Variants in FILIP1 observed in about 807,000 individuals in gnomAD.
The protein encoded by FILIP1 is filamin-A-interacting protein 1.
In FILIP1, 61 loss-of-function variants were observed where a neutral mutation model predicts 102.1. The ratio of observed to expected loss-of-function variants is 0.60; its 90% CI spans 0.49 to 0.74. The LOEUF (loss-of-function observed/expected upper bound fraction) is 0.74. Among genes scored for constraint, FILIP1 ranks in the 30% least tolerant of loss-of-function variants. The pLI is 0.00. For synonymous variants in FILIP1, 491 were observed against 526.9 expected (o/e 0.93, Z 0.93); for missense variants, 1,314 against 1,441.2 (o/e 0.91, Z 1.43).
Position 75,313,032 on chromosome 6 carries a change from C to A in FILIP1, c.2800G>T (p.Glu934Ter). Reference sequence around the variant, plus strand: ...ATGACAGTGGTACTAGAAAAAAATTCTTCAGATGTCGGGCTTGTTATCTCC... The same window carrying A: ...ATGACAGTGGTACTAGAAAAAAATTATTCAGATGTCGGGCTTGTTATCTCC... ...TLEITSPTSE[E>*]FFSSTTVIPT... Residue 934 changes from glutamate to a stop codon, truncating the protein, a stop_gained, in exon 5 of 6, where the codon GAA becomes TAA. Transcript: ENST00000237172. LOFTEE classifies it high-confidence loss of function. This position sits in a 1 kb window ranked among gnomAD's most constrained non-coding sequence, Gnocchi z 4.2. 1 of 1,614,146 alleles carries A rather than the reference C, an allele frequency of 6.2e-7. No individual in the cohort carries two copies. Among genetic ancestry groups the A allele is most frequent in the Non-Finnish European group, 8.5e-7 (1 of 1,180,032 alleles).
chr6:75,435,893 C>A (rs1243241844), intron 1 of FILIP1, among the ~76,000 whole-genome samples: 1 of 152,128 alleles, frequency 6.6e-6, no homozygotes, highest in Non-Finnish European at 1.5e-5. Flanking sequence ...TGCTTGAGGG[C>A]TTTAATTACT....
At chr6:75,384,587 G>T (rs913549599) in intron 2 of FILIP1, among the ~76,000 whole-genome samples, 2 of 152,024 alleles carry the variant, frequency 1.3e-5, no homozygotes, top group African/African-American at 4.8e-5. Flanking sequence ...TGAGATTTCG[G>T]AAGGTTACTC....
chr6:75,421,152 C>T (rs185038995), intron 1 of FILIP1, among the ~76,000 whole-genome samples: 19 of 152,228 alleles, frequency 1.2e-4, no homozygotes, highest in Non-Finnish European at 2.5e-4. Flanking sequence ...TTTATTTCCA[C>T]TCTCTGCTGA....
intron 4 of FILIP1, among the ~76,000 whole-genome samples, chr6:75,327,952 T>C (rs1324885315): frequency 1.3e-5 from 2 of 152,070 alleles, no homozygotes; most frequent in African/African-American, 4.8e-5. Flanking sequence ...TAACTACTAA[T>C]TACTAGTTTA....
At chr6:75,491,007 C>T (rs1779940951) in intron 1 of FILIP1, among the ~76,000 whole-genome samples, 1 of 152,068 alleles carries the variant, frequency 6.6e-6, no homozygotes, top group South Asian at 2.1e-4. Flanking sequence ...GGCATTGCAC[C>T]TAATAGACGT....
chr6:75,450,218 T>A (rs1322941695), intron 1 of FILIP1, among the ~76,000 whole-genome samples: 1 of 152,096 alleles, frequency 6.6e-6, no homozygotes, highest in Non-Finnish European at 1.5e-5. Flanking sequence ...CCTGAAGGGA[T>A]CCTCTCACCT....
exon 7 of FILIP1, chr6:75,295,327 T>G (rs1014022547): frequency 6.6e-6 from 1 of 152,220 alleles, no homozygotes; most frequent in African/African-American, 2.4e-5. Context: ...AGTCAGAGCA[T>G]TATTTGTTAG....
rs146974058 is a variant in FILIP1 at position 75,359,293 on chromosome 6, A to G, written c.450+3451T>C. Reference sequence around the variant, plus strand: ...AGTGCTGGGATTACAGGCATGAGCCACCGCGCCCAGTGATATTGCCAATAT... The same window carrying G: ...AGTGCTGGGATTACAGGCATGAGCCGCCGCGCCCAGTGATATTGCCAATAT... On this transcript the variant is annotated intron_variant, in intron 3 of 5. Coordinates refer to ENST00000237172, the MANE Select transcript of FILIP1 (RefSeq NM_015687.5). Among the ~76,000 whole-genome samples the G allele has an allele frequency of 5.2e-3, 798 of 152,320 alleles. 14 individuals carry two copies. The highest frequency in any genetic ancestry group is 0.018 in the African/African-American group (763 of 41,584).
Position 75,464,675 on chromosome 6 carries a change from A to G in FILIP1, c.-7+28739T>C, listed in dbSNP as rs186808120. On this transcript the variant is annotated intron_variant, in intron 1 of 5. Coordinates refer to ENST00000237172, the MANE Select transcript of FILIP1 (RefSeq NM_015687.5). The stretch of plus-strand genomic sequence containing the variant: ...AGTAACCCTATTTTAACTTCATACT[A>G]TTCTCCCAAATCTGCACCTGTATAT... Among the ~76,000 whole-genome samples, 7 of 152,252 alleles carry G rather than the reference A, an allele frequency of 4.6e-5. No homozygotes were observed. The East Asian group carries it at 1.3e-3, about 29-fold the overall frequency.
intron 1 of FILIP1, among the ~76,000 whole-genome samples, chr6:75,471,915 T>C (rs899381900): frequency 6.6e-6 from 1 of 151,980 alleles, no homozygotes; most frequent in African/African-American, 2.4e-5. Flanking sequence ...AGTGACTATT[T>C]CTAGAGAGAA....
chr6:75,395,272 T>C (rs1052707994), intron 2 of FILIP1, among the ~76,000 whole-genome samples: 53 of 152,202 alleles, frequency 3.5e-4, no homozygotes, highest in African/African-American at 1.2e-3. Flanking sequence ...AAAATAGTTT[T>C]AACATAATTT....
intron 1 of FILIP1, among the ~76,000 whole-genome samples, chr6:75,441,210 T>G (rs951802236): frequency 3.3e-5 from 5 of 151,606 alleles, no homozygotes; most frequent in Admixed American, 1.3e-4. Flanking sequence ...CCTTCAAGCA[T>G]CTGTTTAACA....
intron 1 of FILIP1, among the ~76,000 whole-genome samples, chr6:75,488,825 C>A (rs1316062836): frequency 8.5e-5 from 13 of 152,228 alleles, no homozygotes; most frequent in Admixed American, 6.5e-4. Context: ...AAGCAGAATA[C>A]ACATACACAC....
chr6:75,427,622 C>T (rs534200990), intron 1 of FILIP1, among the ~76,000 whole-genome samples: 9 of 152,178 alleles, frequency 5.9e-5, no homozygotes, highest in Non-Finnish European at 8.8e-5. Flanking sequence ...CTATCGATTG[C>T]GTCTCTCTCT....
At chr6:75,340,366 T>C (rs1014250684) in intron 4 of FILIP1, among the ~76,000 whole-genome samples, 1 of 152,110 alleles carries the variant, frequency 6.6e-6, no homozygotes, top group Non-Finnish European at 1.5e-5. Flanking sequence ...CAGAGGGAAA[T>C]ACTCTCACTA....
intron 1 of FILIP1, among the ~76,000 whole-genome samples, chr6:75,484,419 ACTGTCTTTTAAAGTACTTTTAAAG>A (rs1293982358): frequency 2.7e-5 from 4 of 150,668 alleles, no homozygotes; most frequent in Non-Finnish European, 5.9e-5. Context: ...CTTTTAAAGT[ACTGTCTTTTAAAGTACTTTTAAAG>A]TACTGTCTTT....
intron 2 of FILIP1, among the ~76,000 whole-genome samples, chr6:75,374,417 C>T (rs1380362928): frequency 2.6e-5 from 4 of 152,066 alleles, no homozygotes; most frequent in African/African-American, 7.2e-5. Context: ...CTTGCTCTGT[C>T]GCCCAGGCTG....
chr6:75,423,183 T>G (rs1438661993), intron 1 of FILIP1, among the ~76,000 whole-genome samples: 1 of 152,128 alleles, frequency 6.6e-6, no homozygotes, highest in Non-Finnish European at 1.5e-5. Flanking sequence ...ACGTCTACCA[T>G]TCTACGTTGT....
At chr6:75,334,002 T>G (rs1213490979) in intron 4 of FILIP1, among the ~76,000 whole-genome samples, 1 of 152,190 alleles carries the variant, frequency 6.6e-6, no homozygotes, top group African/African-American at 2.4e-5. Context: ...GCATTCTAAT[T>G]CATTGCCAAC....
Sources: gnomAD v4.1 joint callset for allele counts (sites outside exome capture counted in the v4.1 genomes callset) on GRCh38, gnomAD v4.1.1 for gene constraint, Gnocchi (gnomAD v3.1) non-coding constraint, MANE v1.5 for transcripts, NCBI Gene and HGNC (gene_info 2026-07-23, HGNC 2026-07-21) for gene names.